The following TENT2 variants were observed in gnomAD, a reference collection of about 807,000 sequenced individuals.
TENT2 encodes the protein poly(A) RNA polymerase GLD2.
TENT2 carries 44 observed loss-of-function variants against 72.2 expected under a neutral mutation model. That is an observed-to-expected ratio of 0.61 (90% CI 0.48 to 0.78). The LOEUF (loss-of-function observed/expected upper bound fraction) is 0.78. Among genes scored for constraint, TENT2 ranks in the 30% least tolerant of loss-of-function variants. The pLI, the probability that TENT2 is intolerant of heterozygous loss-of-function variation, is 0.00. For synonymous variants in TENT2, 212 were observed against 192.5 expected (o/e 1.10, Z -0.84); for missense variants, 541 against 569.6 (o/e 0.95, Z 0.51).
intron 4 of TENT2, among the ~76,000 whole-genome samples, chr5:79,633,997 CAAAAAAAA>C (rs562252526): frequency 8.5e-5 from 6 of 70,480 alleles, no homozygotes; most frequent in Admixed American, 2.8e-4. Flanking sequence ...ACTAAAAATA[CAAAAAAAA>C]AAAAAAAAAA....
Position 79,666,050 on chromosome 5 carries a change from G to T in TENT2, c.1072-2842G>T, listed in dbSNP as rs111302039. Among the ~76,000 whole-genome samples the T allele has an allele frequency of 9.4e-3, 1,410 of 150,762 alleles. 28 individuals are homozygous for T. Among genetic ancestry groups the T allele is most frequent in the African/African-American group, 0.033 (1,337 of 40,966 alleles). Reference sequence around the variant, plus strand: ...CCAGGCTGGGATGGAGTGCAGTGGCGTGGATTCGGCTTACTGCAACCTCCA... The same window carrying T: ...CCAGGCTGGGATGGAGTGCAGTGGCTTGGATTCGGCTTACTGCAACCTCCA... On this transcript the variant is annotated intron_variant, in intron 11 of 14. Coordinates refer to ENST00000453514, the MANE Select transcript of TENT2 (RefSeq NM_001114394.3).
intron 11 of TENT2, among the ~76,000 whole-genome samples, chr5:79,660,441 A>G (rs1412614359): frequency 6.6e-6 from 1 of 152,126 alleles, no homozygotes; most frequent in Non-Finnish European, 1.5e-5. Context: ...TTTTTTAGCT[A>G]TTTGTTTCCT....
chr5:79,637,627 A>G (rs1781143818), intron 4 of TENT2, among the ~76,000 whole-genome samples: 1 of 151,868 alleles, frequency 6.6e-6, no homozygotes, highest in Non-Finnish European at 1.5e-5. Flanking sequence ...AGGTTTTGCC[A>G]TGTTACCAAG....
chr5:79,668,497 T>C (rs1164813793), intron 11 of TENT2, among the ~76,000 whole-genome samples: 1 of 152,198 alleles, frequency 6.6e-6, no homozygotes, highest in African/African-American at 2.4e-5. Context: ...GTGCTTGATA[T>C]AGCCTTTATA....
At chr5:79,640,066 G>A (rs1783188137) in intron 4 of TENT2, among the ~76,000 whole-genome samples, 1 of 152,078 alleles carries the variant, frequency 6.6e-6, no homozygotes, top group Non-Finnish European at 1.5e-5. Flanking sequence ...AGAGCAGCCT[G>A]GGCAGCATGG....
intron 1 of TENT2, among the ~76,000 whole-genome samples, chr5:79,613,530 C>T (rs1756901424): frequency 6.6e-6 from 1 of 152,128 alleles, no homozygotes; most frequent in African/African-American, 2.4e-5. Context: ...TACCACCAGG[C>T]TTCTAACACG....
chr5:79,673,535 T>C (rs1814695650), intron 12 of TENT2, among the ~76,000 whole-genome samples: 1 of 151,540 alleles, frequency 6.6e-6, no homozygotes, highest in African/African-American at 2.4e-5. Flanking sequence ...CCCAGCACTA[T>C]TTATTGAAGA....
At chr5:79,658,491 T>G (rs1326011313) in intron 11 of TENT2, among the ~76,000 whole-genome samples, 4 of 152,048 alleles carry the variant, frequency 2.6e-5, no homozygotes, top group African/African-American at 9.7e-5. Context: ...ACACCCAGCC[T>G]GTTGGCCTTA....
chr5:79,651,632 A>G (rs543722432), intron 10 of TENT2, among the ~76,000 whole-genome samples: 1 of 152,152 alleles, frequency 6.6e-6, no homozygotes. Context: ...ACAGCTTAGT[A>G]ACCTTTCCTC....
chr5:79,658,177 A>G (rs1326653189), intron 11 of TENT2, among the ~76,000 whole-genome samples: 1 of 152,138 alleles, frequency 6.6e-6, no homozygotes, highest in Non-Finnish European at 1.5e-5. Context: ...GAATCTTGCT[A>G]TCTCATCTTC....
intron 11 of TENT2, among the ~76,000 whole-genome samples, chr5:79,662,192 C>T (rs1304505978): frequency 6.6e-6 from 1 of 152,216 alleles, no homozygotes; most frequent in Non-Finnish European, 1.5e-5. Flanking sequence ...GCAGTTCAGT[C>T]ACATCTTCAG....
At chr5:79,672,595 T>C (rs978235032) in intron 12 of TENT2, among the ~76,000 whole-genome samples, 1 of 152,214 alleles carries the variant, frequency 6.6e-6, no homozygotes, top group African/African-American at 2.4e-5. Context: ...TTATTTCACT[T>C]AATGTCCTCC....
chr5:79,683,785 T>C (rs906857788), intron 14 of TENT2, among the ~76,000 whole-genome samples: 83 of 149,396 alleles, frequency 5.6e-4, no homozygotes, highest in African/African-American at 2.0e-3. Flanking sequence ...CCGGGTGTAG[T>C]GGCGGGCGCC....
intron 4 of TENT2, among the ~76,000 whole-genome samples, chr5:79,624,333 A>T (rs1282798422): frequency 6.6e-6 from 1 of 152,218 alleles, no homozygotes; most frequent in Non-Finnish European, 1.5e-5. Context: ...GTAAGTGTAC[A>T]GAAATGTTGG....
chr5:79,682,166 T>A, intron 14 of TENT2, 105 bp downstream of exon 14: 5 of 658,630 alleles, frequency 7.6e-6, no homozygotes, highest in Non-Finnish European at 1.3e-5. Context: ...CTTCTGTGAA[T>A]CCATTAATAT....
intron 11 of TENT2, among the ~76,000 whole-genome samples, chr5:79,661,231 G>A (rs932199222): frequency 2.6e-5 from 4 of 152,088 alleles, no homozygotes; most frequent in East Asian, 1.9e-4. Flanking sequence ...CTACAGTAGC[G>A]TATAGTAATG....
chr5:79,640,092 A>G (rs1783208433), intron 4 of TENT2, among the ~76,000 whole-genome samples: 2 of 152,116 alleles, frequency 1.3e-5, no homozygotes, highest in Admixed American at 1.3e-4. Context: ...CCCTGTCTCT[A>G]CAAAGATTGA....
intron 14 of TENT2, among the ~76,000 whole-genome samples, chr5:79,682,616 A>G (rs1822956754): frequency 6.6e-6 from 1 of 152,044 alleles, no homozygotes; most frequent in Non-Finnish European, 1.5e-5. Flanking sequence ...AGCTTATTAA[A>G]TTTCCAAAAT....
intron 14 of TENT2, among the ~76,000 whole-genome samples, chr5:79,683,998 G>C (rs1029237188): frequency 7.4e-6 from 1 of 134,672 alleles, no homozygotes; most frequent in Non-Finnish European, 1.6e-5. Context: ...GAATATTTTT[G>C]TTTATCAGAT....
Sources: gnomAD v4.1 joint callset for allele counts (sites outside exome capture counted in the v4.1 genomes callset) on GRCh38, gnomAD v4.1.1 for gene constraint, MANE v1.5 for transcripts, NCBI Gene and HGNC (gene_info 2026-07-23, HGNC 2026-07-21) for gene names.